Variants in FOXP2 observed in about 807,000 individuals in gnomAD.
FOXP2 encodes forkhead box protein P2.
A neutral mutation model predicts 115.8 loss-of-function variants in FOXP2; 12 were observed. The observed-to-expected ratio is 0.10, with a 90% CI of 0.07 to 0.17. FOXP2 has a LOEUF of 0.17. Ranked by LOEUF, FOXP2 falls within the 10% of genes least tolerant of loss-of-function variation. The probability of loss-of-function intolerance (pLI) is 1.00; values close to 1 mark genes in which losing one functional copy is unlikely to be tolerated. For missense variants in FOXP2, 629 were observed against 843.5 expected (o/e 0.75, Z 3.15); for synonymous variants, 328 against 297.7 (o/e 1.10, Z -1.05).
chr7:114,670,191 T>C (rs1168050654), intron 16 of FOXP2, among the ~76,000 whole-genome samples: 1 of 152,054 alleles, frequency 6.6e-6, no homozygotes, highest in Non-Finnish European at 1.5e-5. Context: ...CTCCTGTTAG[T>C]AAAGCAATTA....
chr7:114,569,429 A>C (rs1033088963), intron 3 of FOXP2, among the ~76,000 whole-genome samples: 1 of 151,890 alleles, frequency 6.6e-6, no homozygotes, highest in Non-Finnish European at 1.5e-5. Context: ...TACCATGTGC[A>C]TTTAATTAAA....
intron 1 of FOXP2, among the ~76,000 whole-genome samples, chr7:114,151,423 A>G (rs1279568990): frequency 1.3e-5 from 2 of 152,114 alleles, no homozygotes; most frequent in Admixed American, 1.3e-4. Flanking sequence ...CTTCTATTTA[A>G]GAAGTCATTG....
At chr7:114,533,480 A>G (rs1373423247) in intron 2 of FOXP2, among the ~76,000 whole-genome samples, 3 of 151,942 alleles carry the variant, frequency 2.0e-5, no homozygotes, top group Non-Finnish European at 4.4e-5. Context: ...GTTGTCATGG[A>G]TACTAGAAAC....
intron 1 of FOXP2, among the ~76,000 whole-genome samples, chr7:114,089,674 A>C (rs1043733153): frequency 4.0e-5 from 6 of 151,858 alleles, no homozygotes; most frequent in African/African-American, 1.4e-4. Flanking sequence ...AATAAGATAA[A>C]CCTTTGTAAT....
At chr7:114,393,020 G>C (rs1053771232) in intron 2 of FOXP2, among the ~76,000 whole-genome samples, 4 of 152,106 alleles carry the variant, frequency 2.6e-5, no homozygotes, top group South Asian at 2.1e-4. Flanking sequence ...AAGAAATCCA[G>C]ATTCTGGTGA....
chr7:114,483,016 A>C (rs1277817666), intron 2 of FOXP2, among the ~76,000 whole-genome samples: 1 of 151,664 alleles, frequency 6.6e-6, no homozygotes, highest in African/African-American at 2.4e-5. Context: ...GAAGCCACAG[A>C]ATTCTTCAGG....
At chr7:114,323,820 A>G (rs1322186086) in intron 2 of FOXP2, among the ~76,000 whole-genome samples, 1 of 151,954 alleles carries the variant, frequency 6.6e-6, no homozygotes. Context: ...TTAGCATTTT[A>G]TTGTCTCAAG....
chr7:114,296,513 A>G (rs903687683), intron 2 of FOXP2, among the ~76,000 whole-genome samples: 21 of 152,098 alleles, frequency 1.4e-4, no homozygotes, highest in Non-Finnish European at 2.8e-4. Flanking sequence ...CTTTTTGAAT[A>G]AGACTGTTAG....
intron 2 of FOXP2, among the ~76,000 whole-genome samples, chr7:114,527,760 CTT>C (rs2129273443): frequency 6.6e-6 from 1 of 152,216 alleles, no homozygotes; most frequent in African/African-American, 2.4e-5. Flanking sequence ...TTTCTTTTGA[CTT>C]ACAATTTTGG....
Position 114,691,929 on chromosome 7 carries a change from C to CAAAAAAAA in FOXP2, c.*2009_*2016dup. 2.8e-5 allele frequency: 7 copies of CAAAAAAAA among 250,918 alleles called. No homozygotes were observed. Among genetic ancestry groups the CAAAAAAAA allele is most frequent in the East Asian group, 1.1e-4 (1 of 9,264 alleles). The allele number at this position is 250,918 out of a possible 1,614,324, so 15.5% of individuals were successfully genotyped here. The stretch of plus-strand genomic sequence containing the variant: ...GGCTTTCTGAAAGCTTCTACCTCTG[C>CAAAAAAAA]AAAAAAAAAAAAAGAAAAAAAAAAA... On this transcript the variant is annotated 3_prime_UTR_variant, in exon 17 of 17. Coordinates refer to ENST00000350908, the MANE Select transcript of FOXP2 (RefSeq NM_014491.4).
intron 3 of FOXP2, among the ~76,000 whole-genome samples, chr7:114,539,431 G>A (rs1046827156): frequency 1.3e-5 from 2 of 151,604 alleles, no homozygotes; most frequent in Non-Finnish European, 1.5e-5. Flanking sequence ...TTGAGATACG[G>A]GTTTAAATAG....
chr7:114,550,112 CTTTTTTT>C (rs941573098), intron 3 of FOXP2, among the ~76,000 whole-genome samples: 7 of 103,302 alleles, frequency 6.8e-5, no homozygotes, highest in Non-Finnish European at 9.8e-5. Context: ...CCTTTCTTTT[CTTTTTTT>C]TTTTTTTTTT....
chr7:114,141,866 T>G (rs923982474), intron 1 of FOXP2, among the ~76,000 whole-genome samples: 5 of 152,194 alleles, frequency 3.3e-5, no homozygotes, highest in African/African-American at 9.7e-5. Flanking sequence ...AGAATTTTAA[T>G]AAAATTTGCA....
Position 114,479,257 on chromosome 7 carries a change from T to C in FOXP2, c.168+52578T>C, listed in dbSNP as rs1796419839. Among the ~76,000 whole-genome samples the C allele has an allele frequency of 2.6e-5, 4 of 151,238 alleles. No homozygotes were observed. The South Asian group carries it at 8.3e-4, about 31-fold the overall frequency. On this transcript the variant is annotated intron_variant, in intron 2 of 16. Transcript: ENST00000350908. Reference sequence around the variant, plus strand: ...AGTGCAGGCTTTTTGTAAAAGTAGGTTATTTATAAAGTTCTGTGAGTCCTG... The same window carrying C: ...AGTGCAGGCTTTTTGTAAAAGTAGGCTATTTATAAAGTTCTGTGAGTCCTG...
chr7:114,482,387 T>A (rs1032684326), intron 2 of FOXP2, among the ~76,000 whole-genome samples: 1 of 151,612 alleles, frequency 6.6e-6, no homozygotes, highest in Non-Finnish European at 1.5e-5. Flanking sequence ...TTTGCTCAAT[T>A]GTTATGCCAA....
intron 2 of FOXP2, among the ~76,000 whole-genome samples, chr7:114,345,823 G>T (rs1223013955): frequency 6.6e-6 from 1 of 151,626 alleles, no homozygotes; most frequent in African/African-American, 2.4e-5. Context: ...ATGGAAGTGG[G>T]ACTACTGTAG....
At chr7:114,452,506 G>A (rs1795116430) in intron 2 of FOXP2, among the ~76,000 whole-genome samples, 1 of 152,034 alleles carries the variant, frequency 6.6e-6, no homozygotes, top group South Asian at 2.1e-4. Flanking sequence ...CTTTTTAGAG[G>A]TTTGAAAATT....
intron 1 of FOXP2, among the ~76,000 whole-genome samples, chr7:114,110,085 T>C (rs1791229451): frequency 6.6e-6 from 1 of 152,156 alleles, no homozygotes; most frequent in Non-Finnish European, 1.5e-5. Flanking sequence ...TTTTGCCACC[T>C]ATTCACAGAG....
At chr7:114,385,790 C>T (rs1406429697) in intron 2 of FOXP2, among the ~76,000 whole-genome samples, 1 of 152,146 alleles carries the variant, frequency 6.6e-6, no homozygotes, top group African/African-American at 2.4e-5. Flanking sequence ...TACCGGAGGT[C>T]CTTGCTCACA....
Sources: allele counts gnomAD v4.1 joint callset (sites outside exome capture counted in the v4.1 genomes callset), GRCh38; gene constraint gnomAD v4.1.1; transcripts MANE v1.5; gene names NCBI Gene and HGNC (gene_info 2026-07-23, HGNC 2026-07-21).